The following ADAMTSL3 variants were observed in gnomAD, a reference collection of about 807,000 sequenced individuals.
ADAMTSL3 encodes ADAMTS like 3.
In ADAMTSL3, 128 loss-of-function variants were observed where a neutral mutation model predicts 201.7. The ratio of observed to expected loss-of-function variants is 0.63; its 90% confidence interval spans 0.55 to 0.73. The LOEUF (loss-of-function observed/expected upper bound fraction) is 0.73, where lower values mean the gene tolerates loss of function less well. Ranked by LOEUF, ADAMTSL3 falls within the 30% of genes least tolerant of loss-of-function variation. The pLI, the probability that ADAMTSL3 is intolerant of heterozygous loss-of-function variation, is 0.00. For missense variants in ADAMTSL3, 1,990 were observed against 2,119.6 expected, an observed-to-expected ratio of 0.94 and a Z score of 1.20; for synonymous variants, 738 against 748.4, an observed-to-expected ratio of 0.99 and a Z score of 0.23.
At chr15:83,844,077 G>A (rs1409315951) in intron 7 of ADAMTSL3, among the ~76,000 whole-genome samples, 1 of 152,116 alleles carries the variant, frequency 6.6e-6, no homozygotes, top group Non-Finnish European at 1.5e-5. Flanking sequence ...CCTTATTTTG[G>A]TCTTGTCCAC....
At chr15:83,725,478 A>G (rs1331914715) in intron 3 of ADAMTSL3, among the ~76,000 whole-genome samples, 2 of 152,142 alleles carry the variant, frequency 1.3e-5, no homozygotes, top group Non-Finnish European at 2.9e-5. Context: ...GCCCAGTCCA[A>G]TGTCCTGGAG....
chr15:83,755,511 A>AAT (rs1456838215), intron 3 of ADAMTSL3, among the ~76,000 whole-genome samples: 1 of 152,080 alleles, frequency 6.6e-6, no homozygotes. Flanking sequence ...GGAATCATAC[A>AAT]ATATTTATCC....
chr15:83,963,827 T>C (rs1180597929), intron 19 of ADAMTSL3, among the ~76,000 whole-genome samples: 1 of 152,198 alleles, frequency 6.6e-6, no homozygotes, highest in Non-Finnish European at 1.5e-5. Context: ...CAGCAATCTT[T>C]GCTGTTCTGC....
chr15:83,877,419 T>G (rs1453764746), intron 9 of ADAMTSL3, among the ~76,000 whole-genome samples: 1 of 152,258 alleles, frequency 6.6e-6, no homozygotes, highest in Non-Finnish European at 1.5e-5. Context: ...CTCTGAAGTC[T>G]GGTAATAACA....
At chr15:83,731,013 CTATT>C (rs2062258802) in intron 3 of ADAMTSL3, among the ~76,000 whole-genome samples, 1 of 152,040 alleles carries the variant, frequency 6.6e-6, no homozygotes, top group African/African-American at 2.4e-5. Context: ...TTTCCAAACA[CTATT>C]TATTGAAGAG....
At chr15:83,794,663 G>T (rs948314170) in intron 4 of ADAMTSL3, among the ~76,000 whole-genome samples, 2 of 149,852 alleles carry the variant, frequency 1.3e-5, no homozygotes, top group East Asian at 2.1e-4. Flanking sequence ...GGATAGGGTG[G>T]GGGGGAGGAG....
chr15:83,672,120 G>A (rs2061336822), intron 2 of ADAMTSL3, among the ~76,000 whole-genome samples: 1 of 152,124 alleles, frequency 6.6e-6, no homozygotes, highest in Non-Finnish European at 1.5e-5. Context: ...TTTAAACCCT[G>A]TCACCCTTAA....
chr15:83,761,880 G>A (rs1331224156), intron 3 of ADAMTSL3, among the ~76,000 whole-genome samples: 1 of 152,116 alleles, frequency 6.6e-6, no homozygotes, highest in Admixed American at 6.5e-5. Context: ...TTGTCTAGTA[G>A]GTATAAACAC....
At chr15:83,663,912 C>T (rs1026977496) in intron 2 of ADAMTSL3, among the ~76,000 whole-genome samples, 23 of 152,170 alleles carry the variant, frequency 1.5e-4, no homozygotes, top group South Asian at 4.1e-4. Context: ...CTCTTTCTAC[C>T]TCTCTGACCT....
chr15:83,821,875 A>AC (rs1311432449), intron 6 of ADAMTSL3, among the ~76,000 whole-genome samples: 4 of 144,612 alleles, frequency 2.8e-5, no homozygotes, highest in Non-Finnish European at 4.6e-5. Context: ...CTGGGGGCTG[A>AC]CCCCCCCAAC....
intron 16 of ADAMTSL3, among the ~76,000 whole-genome samples, chr15:83,917,497 G>A (rs1432363267): frequency 6.6e-6 from 1 of 152,166 alleles, no homozygotes; most frequent in Non-Finnish European, 1.5e-5. Flanking sequence ...GTATCTGTGT[G>A]TGTAGATACA....
intron 5 of ADAMTSL3, among the ~76,000 whole-genome samples, chr15:83,817,245 G>T (rs2063784194): frequency 6.6e-6 from 1 of 152,188 alleles, no homozygotes; most frequent in African/African-American, 2.4e-5. Flanking sequence ...ATACAAACGT[G>T]AAGTAGCAAA....
At chr15:83,975,167 A>G (rs1054193757) in intron 20 of ADAMTSL3, among the ~76,000 whole-genome samples, 2 of 151,778 alleles carry the variant, frequency 1.3e-5, no homozygotes, top group South Asian at 2.1e-4. Context: ...ATGCCCGGCT[A>G]ATTTTTTTGT....
chr15:83,901,189 C>CG (rs1567224353), intron 15 of ADAMTSL3, among the ~76,000 whole-genome samples: 4 of 152,042 alleles, frequency 2.6e-5, no homozygotes, highest in African/African-American at 7.3e-5. Flanking sequence ...GGGGGAATGG[C>CG]TTCACAGTAT....
chr15:83,673,666 C>T (rs943546552), intron 2 of ADAMTSL3, among the ~76,000 whole-genome samples: 14 of 152,288 alleles, frequency 9.2e-5, no homozygotes, highest in East Asian at 1.9e-4. Flanking sequence ...ACACATGGCA[C>T]GCAGGACATA....
chr15:83,831,119 C>A (rs945301744), intron 6 of ADAMTSL3, among the ~76,000 whole-genome samples: 4 of 152,196 alleles, frequency 2.6e-5, no homozygotes, highest in African/African-American at 9.7e-5. Context: ...TCACTCTAAT[C>A]TCTGCCTTCG....
rs139027514 is a variant in ADAMTSL3 at position 83,806,067 on chromosome 15, G to A, written c.363+1372G>A. Among the ~76,000 whole-genome samples the A allele has an allele frequency of 3.9e-5, 6 of 152,290 alleles. No individual in the cohort carries two copies. The East Asian group carries it at 1.2e-3, about 29-fold the overall frequency. ...ATGACCCAGGCTGTTATGGCACAGT[G>A]CCACCTTGAAACTGGAGCCACTGCT... On this transcript the variant is annotated intron_variant, in intron 5 of 29. Transcript: ENST00000286744.
chr15:83,817,282 T>C (rs996228915), intron 5 of ADAMTSL3, among the ~76,000 whole-genome samples: 4 of 152,250 alleles, frequency 2.6e-5, no homozygotes, highest in African/African-American at 9.6e-5. Flanking sequence ...TTAAAAATCT[T>C]GGCTGATAAT....
chr15:83,996,871 GA>G (rs1173296000), intron 23 of ADAMTSL3, among the ~76,000 whole-genome samples: 1 of 147,828 alleles, frequency 6.8e-6, no homozygotes, highest in Non-Finnish European at 1.5e-5. Context: ...AATGGCATAT[GA>G]AAATGTTCTC....
Sources: allele counts gnomAD v4.1 joint callset (sites outside exome capture counted in the v4.1 genomes callset), GRCh38; gene constraint gnomAD v4.1.1; transcripts MANE v1.5; gene names NCBI Gene and HGNC (gene_info 2026-07-23, HGNC 2026-07-21).